GNB4: variants seen among roughly 807,000 people sequenced by gnomAD.
The protein encoded by GNB4 is guanine nucleotide-binding protein subunit beta-4.
In GNB4, 28 loss-of-function variants were observed where a neutral mutation model predicts 45.2. The ratio of observed to expected loss-of-function variants is 0.62; its 90% confidence interval spans 0.46 to 0.85. The LOEUF (loss-of-function observed/expected upper bound fraction) is 0.85, where lower values mean the gene tolerates loss of function less well. Among genes scored for constraint, GNB4 ranks in the 40% least tolerant of loss-of-function variants. The pLI is 0.00. For missense variants in GNB4, 321 were observed against 425.4 expected, an observed-to-expected ratio of 0.75 and a Z score of 2.16; for synonymous variants, 132 against 143.7, an observed-to-expected ratio of 0.92 and a Z score of 0.58.
chr3:179,465,220 T>C, the GNB4 span: 22 of 1,392,766 alleles, frequency 1.6e-5, no homozygotes, highest in Non-Finnish European at 2.2e-5. Flanking sequence ...TGGTTGGAGA[T>C]GTGGATTTTG....
chr3:179,478,314 T>C, the GNB4 span, among the ~76,000 whole-genome samples: 1 of 152,206 alleles, frequency 6.6e-6, no homozygotes, highest in Non-Finnish European at 1.5e-5. Context: ...GGAGGAGACA[T>C]TCAAATCATA....
intron 8 of GNB4, among the ~76,000 whole-genome samples, chr3:179,409,064 G>T (rs374579524): frequency 2.7e-5 from 4 of 150,858 alleles, no homozygotes; most frequent in African/African-American, 7.3e-5. Flanking sequence ...CAGGGAAGTC[G>T]AGGCTGCAGT....
chr3:179,500,694 A>T, the GNB4 span, among the ~76,000 whole-genome samples: 1 of 152,182 alleles, frequency 6.6e-6, no homozygotes, highest in African/African-American at 2.4e-5. Context: ...TTTTCACAAT[A>T]TTGATTCTTC....
At chr3:179,509,145 C>A in the GNB4 span, among the ~76,000 whole-genome samples, 1 of 144,764 alleles carries the variant, frequency 6.9e-6, no homozygotes, top group Non-Finnish European at 1.5e-5. Flanking sequence ...ATGGAGGATT[C>A]CAGGTCTATG....
the GNB4 span, among the ~76,000 whole-genome samples, chr3:179,524,441 C>CT: frequency 6.6e-6 from 1 of 152,236 alleles, no homozygotes; most frequent in Non-Finnish European, 1.5e-5. Context: ...ACCACTGTGG[C>CT]TTAGGCATTT....
At chr3:179,480,363 G>A in the GNB4 span, among the ~76,000 whole-genome samples, 17 of 152,310 alleles carry the variant, frequency 1.1e-4, no homozygotes, top group African/African-American at 3.6e-4. Context: ...TGGTGACTTA[G>A]TCCAGATATT....
rs767531139 is a variant in GNB4, at chr3:179,405,285, G to C, written c.821C>G (p.Thr274Ser). Reference sequence around the variant, plus strand: ...CCCACTTTTTGAGAAGGCTACAGAAGTGATTCCACAGATGATATTGTCATG... The same window carrying C: ...CCCACTTTTTGAGAAGGCTACAGAACTGATTCCACAGATGATATTGTCATG... The part of the protein sequence containing the change: ...YSHDNIICGI[T>S]SVAFSKSGRL... The change falls in exon 9 of 10, where the codon ACT becomes AGT. Residue 274 changes from threonine to serine, a missense_variant. Transcript: ENST00000232564. 1.2e-6 allele frequency: 2 copies of C among 1,614,090 alleles called. No individual in the cohort carries two copies. Among genetic ancestry groups the C allele is most frequent in the African/African-American group, 2.7e-5 (2 of 74,936 alleles).
At chr3:179,437,613 A>G (rs1715490507) in intron 1 of GNB4, 1 of 152,196 alleles carries the variant, frequency 6.6e-6, no homozygotes, top group African/African-American at 2.4e-5. Flanking sequence ...GTTATAGTTC[A>G]GGTCACACTG....
chr3:179,490,196 T>C, the GNB4 span, among the ~76,000 whole-genome samples: 2 of 152,226 alleles, frequency 1.3e-5, no homozygotes, highest in Non-Finnish European at 2.9e-5. Context: ...ATTTGAAGTA[T>C]CTTTAAACTG....
chr3:179,483,011 G>A, the GNB4 span, among the ~76,000 whole-genome samples: 2 of 152,132 alleles, frequency 1.3e-5, no homozygotes, highest in Admixed American at 6.5e-5. Context: ...GTCTGAGGTC[G>A]CTCTGATTTA....
At chr3:179,492,507 C>T in the GNB4 span, among the ~76,000 whole-genome samples, 1 of 152,098 alleles carries the variant, frequency 6.6e-6, no homozygotes. Context: ...CTCCTTGAGA[C>T]CTGAGTTGCC....
chr3:179,476,506 C>T, the GNB4 span, among the ~76,000 whole-genome samples: 2 of 152,146 alleles, frequency 1.3e-5, no homozygotes, highest in African/African-American at 4.8e-5. Flanking sequence ...TGGCTCCACT[C>T]CCATGGATCC....
chr3:179,423,772 G>A (rs959020128), intron 2 of GNB4, among the ~76,000 whole-genome samples: 6 of 145,594 alleles, frequency 4.1e-5, no homozygotes, highest in Admixed American at 1.4e-4. Context: ...CTGAGACTCC[G>A]TCTCACTCTG....
chr3:179,426,415 A>C (rs540922430), intron 1 of GNB4, among the ~76,000 whole-genome samples, 173 bp from the exon 2 acceptor site: 8 of 152,328 alleles, frequency 5.3e-5, no homozygotes, highest in Non-Finnish European at 1.0e-4. Flanking sequence ...TTATTTACTG[A>C]AGGGTTGTAT....
Position 179,413,714 on chromosome 3 carries a change from C to G in GNB4, c.497+1G>C. On this transcript the variant is annotated splice_donor_variant, in intron 7 of 9. Transcript: ENST00000232564. LOFTEE classifies it high-confidence loss of function. Reference sequence around the variant, plus strand: ...TCAGTGTGCTTCTGGAATAAACTTACCAAGTTGTATCTCCTGAACTTGTAA... The same window carrying G: ...TCAGTGTGCTTCTGGAATAAACTTAGCAAGTTGTATCTCCTGAACTTGTAA... The G allele has an allele frequency of 6.2e-7, 1 of 1,613,994 alleles. No individual in the cohort carries two copies. Among genetic ancestry groups the G allele is most frequent in the Non-Finnish European group, 8.5e-7 (1 of 1,179,892 alleles).
the GNB4 span, among the ~76,000 whole-genome samples, chr3:179,465,833 T>C: frequency 6.7e-6 from 1 of 149,620 alleles, no homozygotes; most frequent in African/African-American, 2.5e-5. Flanking sequence ...CTTTTTTTTT[T>C]TTTTGTAGAG....
the GNB4 span, among the ~76,000 whole-genome samples, chr3:179,523,814 C>A: frequency 6.6e-6 from 1 of 151,918 alleles, no homozygotes; most frequent in Non-Finnish European, 1.5e-5. Context: ...GCAAAGGAGG[C>A]TTTGAACTAG....
the GNB4 span, among the ~76,000 whole-genome samples, chr3:179,481,813 T>G: frequency 3.5e-4 from 54 of 152,302 alleles, no homozygotes; most frequent in Admixed American, 2.9e-3. Context: ...ACTCTGAGAG[T>G]GCATAGTTTC....
At chr3:179,410,353 T>C (rs1024817228) in intron 8 of GNB4, 5 of 152,152 alleles carry the variant, frequency 3.3e-5, no homozygotes, top group Admixed American at 3.3e-4. Context: ...TATTTATTGA[T>C]TGATAGATAG....
Sources: gnomAD v4.1 joint callset for allele counts (sites outside exome capture counted in the v4.1 genomes callset) on GRCh38, gnomAD v4.1.1 for gene constraint, MANE v1.5 for transcripts, NCBI Gene and HGNC (gene_info 2026-07-23, HGNC 2026-07-21) for gene names.